The following USP42 variants were observed in gnomAD, a reference collection of about 807,000 sequenced individuals.
USP42 encodes the protein ubiquitin specific peptidase 42, also known as ubiquitin carboxyl-terminal hydrolase 42.
Under a neutral mutation model 113.0 loss-of-function variants are expected in USP42, and 23 were observed. That is an observed-to-expected ratio of 0.20 (90% CI 0.15 to 0.29). The LOEUF is 0.29. Among genes scored for constraint, USP42 ranks in the 10% least tolerant of loss-of-function variants. The pLI, the probability that USP42 is intolerant of heterozygous loss-of-function variation, is 1.00. For missense variants in USP42, 2,174 were observed against 1,779.8 expected (o/e 1.22, Z -3.99); for synonymous variants, 933 against 699.0 (o/e 1.33, Z -5.28).
At position 6,131,929 on chromosome 7, in the gene USP42, A is replaced by G. The variant is rs946956029; in HGVS notation, c.443-3912A>G. The stretch of plus-strand genomic sequence containing the variant: ...ATATTCTCATGGGGTGTAGAATTCT[A>G]TGTTAACATTATTTGTCTTTTTTGA... On this transcript the variant is annotated intron_variant, in intron 3 of 17. Coordinates refer to ENST00000306177, the MANE Select transcript of USP42 (RefSeq NM_032172.3). 6.6e-5 allele frequency among the ~76,000 whole-genome samples: 10 copies of G among 152,194 alleles called. No individual in the cohort carries two copies. The South Asian group carries it at 1.5e-3, about 22-fold the overall frequency.
the USP42 span, chr7:6,081,310 C>G: frequency 6.6e-6 from 1 of 151,712 alleles, no homozygotes; most frequent in Non-Finnish European, 1.5e-5. Context: ...TCCTCCTGGC[C>G]CGCGACCTAG....
the USP42 span, chr7:6,088,882 C>T: frequency 1.4e-4 from 21 of 150,666 alleles, no homozygotes; most frequent in African/African-American, 2.0e-4. Flanking sequence ...ACGGCGGGAA[C>T]CAAGATTGGA....
the USP42 span, among the ~76,000 whole-genome samples, chr7:6,098,373 C>T: frequency 6.0e-5 from 9 of 149,922 alleles, 1 homozygote; most frequent in Non-Finnish European, 1.2e-4. Context: ...ATCTAGGCCC[C>T]GTAGTATCCA....
the USP42 span, among the ~76,000 whole-genome samples, chr7:6,091,321 C>G: frequency 6.6e-6 from 1 of 150,698 alleles, no homozygotes; most frequent in East Asian, 1.9e-4. Context: ...AACTCCTGGT[C>G]TCAAGCGATC....
rs1205355604 is a variant in USP42, at chr7:6,158,172, G to A, written c.3943+1117G>A. ...AATGATGTGAAATTCAGACCTCAGT[G>A]TCTGTGGCTTGATTGGGGCGCAGCC... On this transcript the variant is annotated intron_variant, in intron 16 of 17. Coordinates refer to ENST00000306177, the MANE Select transcript of USP42 (RefSeq NM_032172.3). This position sits in a 1 kb window ranked among gnomAD's most constrained non-coding sequence, Gnocchi z 4.2. Among the ~76,000 whole-genome samples the A allele has an allele frequency of 1.3e-5, 2 of 152,266 alleles. No individual in the cohort carries two copies. The highest frequency in any genetic ancestry group is 4.8e-5 in the African/African-American group (2 of 41,472).
At chr7:6,134,468 A>G (rs537662136) in intron 3 of USP42, among the ~76,000 whole-genome samples, 47 of 152,182 alleles carry the variant, frequency 3.1e-4, no homozygotes, top group African/African-American at 1.1e-3. Context: ...TGCAAGACAG[A>G]GTTAATTGGG....
chr7:6,147,616 A>G (rs1781788515), intron 11 of USP42, 123 bp from the exon 12 acceptor site: 4 of 1,146,530 alleles, frequency 3.5e-6, no homozygotes, highest in African/African-American at 1.6e-5. Flanking sequence ...ACTGTGTAGC[A>G]TAAACATGCT....
At chr7:6,101,444 T>G (rs1437426937), upstream of USP42, among the ~76,000 whole-genome samples, 1 of 151,270 alleles carries the variant, frequency 6.6e-6, no homozygotes, top group Non-Finnish European at 1.5e-5. Context: ...GTAATTTCTG[T>G]AGGTCACAGA....
rs1007651512 is a variant in USP42, at chr7:6,159,149, T to C, written c.3944-301T>C. On this transcript the variant is annotated intron_variant, in intron 16 of 17. Coordinates refer to ENST00000306177, the MANE Select transcript of USP42 (RefSeq NM_032172.3). This position sits in a 1 kb window ranked among gnomAD's most constrained non-coding sequence, Gnocchi z 4.1. ...GGCCCCTTGTCTTTCTCTTTCAAAC[T>C]CCTCCTCTGGCTCTGTTCCGCCCAG... Among the ~76,000 whole-genome samples the C allele has an allele frequency of 6.6e-6, 1 of 152,168 alleles. No homozygotes were observed. Among genetic ancestry groups the C allele is most frequent in the Non-Finnish European group, 1.5e-5 (1 of 68,028 alleles).
chr7:6,145,677 A>G (rs1269737777), intron 10 of USP42, 21 bp downstream of exon 10: 4 of 1,608,090 alleles, frequency 2.5e-6, no homozygotes, highest in Admixed American at 1.7e-5. Context: ...CAGATTTGCT[A>G]TTAACTATTG....
At position 6,144,287 on chromosome 7, in the gene USP42, C is replaced by G. The variant is rs1781584068; in HGVS notation, c.990+91C>G. 4 of 840,742 alleles carry G rather than the reference C, an allele frequency of 4.8e-6. No individual in the cohort carries two copies. The East Asian group carries it at 9.5e-5, about 20-fold the overall frequency. 52.1% of individuals were successfully genotyped at this position (840,742 alleles called of 1,614,324 possible). ...TATTAAGGATTAAGGACTCGACTTT[C>G]TCATGACAAAATTGCTAACTATTAC... On this transcript the variant is annotated intron_variant, in intron 9 of 17. Transcript: ENST00000306177.
At chr7:6,116,858 G>T (rs1209842212) in intron 3 of USP42, 2 of 532,918 alleles carry the variant, frequency 3.8e-6, no homozygotes, top group South Asian at 2.8e-5. Flanking sequence ...AGTAGGGTGT[G>T]GATGAAAACC....
intron 14 of USP42, among the ~76,000 whole-genome samples, chr7:6,151,461 C>T (rs753241645): frequency 5.9e-5 from 9 of 151,464 alleles, no homozygotes; most frequent in African/African-American, 1.9e-4. Context: ...TTGTTTGAGA[C>T]GGAGTCTCGC....
chr7:6,158,906 T>C lies in USP42; in HGVS notation c.3944-544T>C, dbSNP rs1782613408. On this transcript the variant is annotated intron_variant, in intron 16 of 17. Coordinates refer to ENST00000306177, the MANE Select transcript of USP42 (RefSeq NM_032172.3). This position sits in a 1 kb window ranked among gnomAD's most constrained non-coding sequence, Gnocchi z 4.2. ...GCGGGAGGGAGGTTGAACGTGATCT[T>C]GTTTGCCTCGTGTCTCGGGTGCTGT... is the stretch of plus-strand genomic sequence containing the variant. Among the ~76,000 whole-genome samples, 1 of 151,702 alleles carries C rather than the reference T, an allele frequency of 6.6e-6. No individual in the cohort carries two copies. Among genetic ancestry groups the C allele is most frequent in the African/African-American group, 2.4e-5 (1 of 41,276 alleles).
chr7:6,146,290 A>G (rs1781710387), intron 11 of USP42, 42 bp downstream of exon 11: 5 of 1,203,834 alleles, frequency 4.2e-6, no homozygotes, highest in Non-Finnish European at 5.9e-6. Context: ...CTGGTATGTC[A>G]TTTCTTCTTG....
At chr7:6,110,159 T>A (rs1779519416) in intron 1 of USP42, among the ~76,000 whole-genome samples, 1 of 151,996 alleles carries the variant, frequency 6.6e-6, no homozygotes, top group African/African-American at 2.4e-5. Context: ...TACATAGGAG[T>A]GGCATGTCTA....
chr7:6,100,401 C>G (rs1329367800), upstream of USP42, among the ~76,000 whole-genome samples: 1 of 150,886 alleles, frequency 6.6e-6, no homozygotes, highest in East Asian at 1.9e-4. Flanking sequence ...ATGGCCTCAG[C>G]TCATTTCAAC....
rs753117122 is a variant in USP42 at position 6,147,906 on chromosome 7, G to C, written c.1386+14G>C. ...CACATGATAAAGGTAACAGTCCTTA[G>C]GGAGAAGAACATTTTTATGTTAATT... On this transcript the variant is annotated intron_variant, in intron 12 of 17. Transcript: ENST00000306177. The C allele has an allele frequency of 4.1e-5, 64 of 1,575,168 alleles. No homozygotes were observed. The highest frequency in any genetic ancestry group is 5.4e-5 in the Non-Finnish European group (62 of 1,155,974).
chr7:6,125,443 A>G (rs1438816635), intron 3 of USP42, among the ~76,000 whole-genome samples: 1 of 149,874 alleles, frequency 6.7e-6, no homozygotes. Context: ...TGAGCCAAGA[A>G]CACACCACTG....
Sources: allele counts gnomAD v4.1 joint callset (sites outside exome capture counted in the v4.1 genomes callset), GRCh38; gene constraint gnomAD v4.1.1; non-coding constraint Gnocchi (gnomAD v3.1); transcripts MANE v1.5; gene names NCBI Gene and HGNC (gene_info 2026-07-23, HGNC 2026-07-21).